Variants in CFAP61 observed in about 807,000 individuals in gnomAD.
The protein encoded by CFAP61 is cilia- and flagella-associated protein 61.
In CFAP61, 107 loss-of-function variants were observed where a neutral mutation model predicts 135.6. The ratio of observed to expected loss-of-function variants is 0.79; its 90% CI spans 0.67 to 0.93. The LOEUF is 0.93. CFAP61 is among the 40% of genes least tolerant of loss of function. CFAP61 has a pLI of 0.00. For missense variants in CFAP61, 1,507 were observed against 1,556.2 expected (o/e 0.97, Z 0.53); for synonymous variants, 575 against 578.5 (o/e 0.99, Z 0.09).
chr20:20,132,609 T>C (rs1479786470), intron 8 of CFAP61, among the ~76,000 whole-genome samples: 1 of 152,126 alleles, frequency 6.6e-6, no homozygotes, highest in Non-Finnish European at 1.5e-5. Context: ...TAAAATCTCC[T>C]GCTTTGATTA....
chr20:20,067,459 T>C (rs2146557688), intron 2 of CFAP61, among the ~76,000 whole-genome samples: 1 of 151,626 alleles, frequency 6.6e-6, no homozygotes, highest in African/African-American at 2.4e-5. Flanking sequence ...CTGGCCAACA[T>C]GGTGAAACCT....
intron 2 of CFAP61, among the ~76,000 whole-genome samples, chr20:20,064,010 T>A (rs886651169): frequency 2.0e-5 from 3 of 147,042 alleles, no homozygotes; most frequent in African/African-American, 7.4e-5. Context: ...TGAAAGACAT[T>A]AAGGAAAGCC....
chr20:20,247,375 G>C (rs577758810), intron 19 of CFAP61, among the ~76,000 whole-genome samples: 11 of 152,328 alleles, frequency 7.2e-5, no homozygotes, highest in African/African-American at 2.6e-4. Context: ...CAGGTGTGAC[G>C]CTGCGTGGGC....
intron 17 of CFAP61, 29 bp from the exon 18 acceptor site, chr20:20,228,220 C>T (rs369493983): frequency 6.3e-7 from 1 of 1,585,670 alleles, no homozygotes. Context: ...TTCTTTGACT[C>T]CTTCTTTGTC....
intron 20 of CFAP61, among the ~76,000 whole-genome samples, chr20:20,252,171 C>T (rs763123273): frequency 6.6e-6 from 1 of 152,170 alleles, no homozygotes; most frequent in African/African-American, 2.4e-5. Flanking sequence ...ATTGCAAACA[C>T]GTGCACCTTC....
At chr20:20,256,775 G>A (rs2051624693) in intron 20 of CFAP61, among the ~76,000 whole-genome samples, 1 of 152,188 alleles carries the variant, frequency 6.6e-6, no homozygotes, top group Non-Finnish European at 1.5e-5. Context: ...AGATATTCTA[G>A]AAGAAAACTT....
intron 26 of CFAP61, among the ~76,000 whole-genome samples, chr20:20,342,392 A>G (rs1427257275): frequency 6.6e-6 from 1 of 152,250 alleles, no homozygotes; most frequent in Non-Finnish European, 1.5e-5. Flanking sequence ...TACAGAATTA[A>G]CTGGACATTA....
rs114697218 is a variant in CFAP61, at chr20:20,097,696, C to T, written c.700-959C>T. Among the ~76,000 whole-genome samples, 778 of 152,320 alleles carry T rather than the reference C, an allele frequency of 5.1e-3. 4 individuals are homozygous for T. The highest frequency in any genetic ancestry group is 0.018 in the African/African-American group (746 of 41,576). On this transcript the variant is annotated intron_variant, in intron 7 of 26. Transcript: ENST00000245957. ...GCAAGAGCTTCAGAACCAGGCATTT[C>T]AGGGTGATGGGAAGTTCAACATTTG...
intron 2 of CFAP61, among the ~76,000 whole-genome samples, chr20:20,069,100 T>G (rs1303654272): frequency 6.6e-6 from 1 of 152,162 alleles, no homozygotes; most frequent in African/African-American, 2.4e-5. Flanking sequence ...GTGATGTATA[T>G]TTCCTATTAA....
intron 26 of CFAP61, among the ~76,000 whole-genome samples, chr20:20,355,825 G>A (rs1481993016): frequency 3.9e-4 from 53 of 137,352 alleles, no homozygotes; most frequent in African/African-American, 1.4e-3. Context: ...GAGCAGAGAT[G>A]GTCACACTGT....
chr20:20,118,253 G>GTTTCTTTCTTTCTTTCTTTCTTTCTTTC (rs148875515), intron 8 of CFAP61, among the ~76,000 whole-genome samples: 2 of 138,532 alleles, frequency 1.4e-5, no homozygotes, highest in Non-Finnish European at 3.1e-5. Context: ...TTTGAGGTAT[G>GTTTCTTTCTTTCTTTCTTTCTTTCTTTC]TTTCTTTCTT....
intron 17 of CFAP61, among the ~76,000 whole-genome samples, chr20:20,202,207 G>A (rs1023407699): frequency 8.5e-5 from 13 of 152,154 alleles, no homozygotes; most frequent in Admixed American, 8.5e-4. Flanking sequence ...ACAAAGCCAA[G>A]ATGTATTGTT....
At chr20:20,100,515 G>A (rs903533038) in intron 8 of CFAP61, among the ~76,000 whole-genome samples, 1 of 152,124 alleles carries the variant, frequency 6.6e-6, no homozygotes, top group African/African-American at 2.4e-5. Context: ...CATGTAAAAT[G>A]GAGATAAAAA....
At chr20:20,104,697 A>G (rs1797218146) in intron 8 of CFAP61, among the ~76,000 whole-genome samples, 1 of 152,180 alleles carries the variant, frequency 6.6e-6, no homozygotes. Flanking sequence ...GGCTGCCATA[A>G]CAAAGTGCCA....
At chr20:20,129,493 C>T (rs2050337537) in intron 8 of CFAP61, among the ~76,000 whole-genome samples, 1 of 151,656 alleles carries the variant, frequency 6.6e-6, no homozygotes, top group East Asian at 1.9e-4. Context: ...AGGATCCTCT[C>T]TTTATTCTTG....
At chr20:20,349,833 C>T (rs1160675768) in intron 26 of CFAP61, among the ~76,000 whole-genome samples, 1 of 152,116 alleles carries the variant, frequency 6.6e-6, no homozygotes, top group Non-Finnish European at 1.5e-5. Context: ...AAACAATCTA[C>T]AATTCAGTAC....
chr20:20,229,049 C>A (rs947424191), intron 18 of CFAP61, among the ~76,000 whole-genome samples: 13 of 152,206 alleles, frequency 8.5e-5, no homozygotes, highest in Non-Finnish European at 1.9e-4. Flanking sequence ...ACAGGTAAAA[C>A]CCTTCAGGGA....
chr20:20,196,132 C>T (rs1403574649), intron 15 of CFAP61, among the ~76,000 whole-genome samples: 1 of 152,178 alleles, frequency 6.6e-6, no homozygotes, highest in Non-Finnish European at 1.5e-5. Flanking sequence ...CATTTCCACA[C>T]TAACAGGTGA....
chr20:20,116,434 C>T (rs754684947), intron 8 of CFAP61, among the ~76,000 whole-genome samples: 5 of 152,062 alleles, frequency 3.3e-5, no homozygotes, highest in Admixed American at 1.3e-4. Flanking sequence ...TTTAACTCGA[C>T]GTAATGCCGC....
Sources: allele counts gnomAD v4.1 joint callset (sites outside exome capture counted in the v4.1 genomes callset), GRCh38; gene constraint gnomAD v4.1.1; transcripts MANE v1.5; gene names NCBI Gene and HGNC (gene_info 2026-07-23, HGNC 2026-07-21).